The following TBL1XR1 variants were observed in gnomAD, a reference collection of about 807,000 sequenced individuals.
TBL1XR1 encodes TBL1X/Y related 1.
Under a neutral mutation model 66.9 loss-of-function variants are expected in TBL1XR1, and 5 were observed. The ratio of observed to expected loss-of-function variants is 0.07; its 90% CI spans 0.04 to 0.16. TBL1XR1 has a LOEUF of 0.16. TBL1XR1 is among the 10% of genes least tolerant of loss of function. The pLI is 1.00. For missense variants in TBL1XR1, 238 were observed against 623.2 expected (o/e 0.38, Z 6.58); for synonymous variants, 210 against 206.0 (o/e 1.02, Z -0.17).
chr3:177,188,966 G>C (rs575963845), intron 1 of TBL1XR1, among the ~76,000 whole-genome samples: 3 of 152,258 alleles, frequency 2.0e-5, no homozygotes, highest in Admixed American at 1.3e-4. Flanking sequence ...CCAGCACTTG[G>C]GGAGGCCGAG....
At chr3:177,034,074 T>C (rs1576982091) in intron 13 of TBL1XR1, 124 bp downstream of exon 13, 3 of 1,117,426 alleles carry the variant, frequency 2.7e-6, no homozygotes, top group African/African-American at 1.6e-5. Context: ...CAAAAACTAC[T>C]GAAATTGGAA....
At chr3:177,159,165 A>G (rs927785274) in intron 1 of TBL1XR1, among the ~76,000 whole-genome samples, 8 of 152,130 alleles carry the variant, frequency 5.3e-5, no homozygotes, top group Non-Finnish European at 8.8e-5. Context: ...TAAAAAAAAA[A>G]AGAGAGAAAT....
At chr3:177,185,272 T>TG (rs1735269616) in intron 1 of TBL1XR1, among the ~76,000 whole-genome samples, 2 of 152,182 alleles carry the variant, frequency 1.3e-5, no homozygotes, top group Non-Finnish European at 2.9e-5. Context: ...CACACTGTAT[T>TG]GCATGTGTCC....
intron 1 of TBL1XR1, among the ~76,000 whole-genome samples, chr3:177,158,473 C>T (rs576183900): frequency 1.3e-5 from 2 of 152,194 alleles, no homozygotes; most frequent in Non-Finnish European, 2.9e-5. Flanking sequence ...ATGATCCGCC[C>T]GCCTCGGCCT....
chr3:177,130,957 T>G (rs929213380), intron 1 of TBL1XR1, among the ~76,000 whole-genome samples: 11 of 151,840 alleles, frequency 7.2e-5, no homozygotes, highest in Non-Finnish European at 1.5e-4. Context: ...GACAAGGGAG[T>G]TAGAGACCAG....
rs574930458 is a variant in TBL1XR1, at chr3:177,125,596, T to C, written c.-121-27055A>G. 4.6e-5 allele frequency among the ~76,000 whole-genome samples: 7 copies of C among 152,272 alleles called. No homozygotes were observed. The East Asian group carries it at 5.8e-4, about 13-fold the overall frequency. Reference sequence around the variant, plus strand: ...TTTTATTTCACAAGAATGAAAAATATACATCAGGACATGTTTCATATATGA... The same window carrying C: ...TTTTATTTCACAAGAATGAAAAATACACATCAGGACATGTTTCATATATGA... On this transcript the variant is annotated intron_variant, in intron 1 of 15. Transcript: ENST00000457928.
intron 4 of TBL1XR1, among the ~76,000 whole-genome samples, chr3:177,052,642 A>G (rs891389985): frequency 6.6e-6 from 1 of 152,244 alleles, no homozygotes; most frequent in Non-Finnish European, 1.5e-5. Context: ...TCACTCAAAG[A>G]GCTGAGGAAA....
intron 1 of TBL1XR1, among the ~76,000 whole-genome samples, chr3:177,135,365 ATATATATATATATATATGTATG>A (rs1728857227): frequency 3.0e-5 from 1 of 33,108 alleles, no homozygotes; most frequent in South Asian, 1.0e-3. Flanking sequence ...ATATATATAT[ATATATATATATATATATGTATG>A]TATTTTTTTT....
intron 2 of TBL1XR1, among the ~76,000 whole-genome samples, chr3:177,087,770 G>A (rs960416446): frequency 2.2e-4 from 34 of 152,052 alleles, no homozygotes; most frequent in African/African-American, 8.0e-4. Flanking sequence ...GGGGGGCGGG[G>A]AGTCTTCAAA....
intron 2 of TBL1XR1, among the ~76,000 whole-genome samples, chr3:177,070,321 T>C (rs1211129683): frequency 6.6e-6 from 1 of 152,166 alleles, no homozygotes; most frequent in African/African-American, 2.4e-5. Context: ...AAGATCCTTC[T>C]AAAACATAAA....
intron 1 of TBL1XR1, among the ~76,000 whole-genome samples, chr3:177,182,288 G>A (rs1734919435): frequency 6.6e-6 from 1 of 152,112 alleles, no homozygotes; most frequent in African/African-American, 2.4e-5. Flanking sequence ...AGAGGCTGAG[G>A]TGATAGGACC....
At chr3:177,185,509 A>C (rs1305354302) in intron 1 of TBL1XR1, among the ~76,000 whole-genome samples, 17 of 151,976 alleles carry the variant, frequency 1.1e-4, no homozygotes, top group Non-Finnish European at 2.4e-4. Flanking sequence ...CAGGAGCCTG[A>C]GGCAGGGGCA....
At chr3:177,199,301 G>C (rs1225542103), upstream of TBL1XR1, among the ~76,000 whole-genome samples, 1 of 152,148 alleles carries the variant, frequency 6.6e-6, no homozygotes, top group Admixed American at 6.5e-5. Flanking sequence ...GGATTCTAAA[G>C]CTGAGGCTTG....
At chr3:177,147,222 GT>G (rs545982417) in intron 1 of TBL1XR1, among the ~76,000 whole-genome samples, 2 of 151,700 alleles carry the variant, frequency 1.3e-5, no homozygotes, top group Admixed American at 6.6e-5. Context: ...AACATTTTTG[GT>G]TTTTTTATAG....
intron 1 of TBL1XR1, among the ~76,000 whole-genome samples, chr3:177,161,210 T>G (rs1011822569): frequency 2.0e-5 from 3 of 152,188 alleles, no homozygotes; most frequent in African/African-American, 4.8e-5. Flanking sequence ...CTGACTGTTT[T>G]GCCTATCATC....
chr3:177,124,617 A>G (rs565767463), intron 1 of TBL1XR1, among the ~76,000 whole-genome samples: 2 of 152,252 alleles, frequency 1.3e-5, no homozygotes, highest in East Asian at 3.9e-4. Context: ...CTCATTTAAA[A>G]AATGTGTGAC....
At chr3:177,068,174 CA>C (rs2108551209) in intron 2 of TBL1XR1, among the ~76,000 whole-genome samples, 1 of 152,276 alleles carries the variant, frequency 6.6e-6, no homozygotes, top group East Asian at 1.9e-4. Context: ...CCTAAATTCA[CA>C]AAGGATTTAT....
At chr3:177,074,576 T>A (rs1446147981) in intron 2 of TBL1XR1, among the ~76,000 whole-genome samples, 2 of 152,064 alleles carry the variant, frequency 1.3e-5, no homozygotes, top group African/African-American at 2.4e-5. Context: ...ATCCCCACCT[T>A]CTCGTGAGCC....
intron 1 of TBL1XR1, among the ~76,000 whole-genome samples, chr3:177,183,486 G>C (rs1011206413): frequency 3.3e-5 from 5 of 152,140 alleles, no homozygotes; most frequent in Admixed American, 6.6e-5. Context: ...AGTGTTGCCT[G>C]GAGAAAAGTA....
Sources: gnomAD v4.1 joint callset for allele counts (sites outside exome capture counted in the v4.1 genomes callset) on GRCh38, gnomAD v4.1.1 for gene constraint, MANE v1.5 for transcripts, NCBI Gene and HGNC (gene_info 2026-07-23, HGNC 2026-07-21) for gene names.